The following PALLD variants were observed in gnomAD, a reference collection of about 807,000 sequenced individuals.
PALLD encodes the protein palladin.
Under a neutral mutation model 123.5 loss-of-function variants are expected in PALLD, and 61 were observed. The ratio of observed to expected loss-of-function variants is 0.49; its 90% CI spans 0.40 to 0.61. The LOEUF is 0.61. Ranked by LOEUF, PALLD falls within the 20% of genes least tolerant of loss-of-function variation. The probability of loss-of-function intolerance (pLI) is 0.00; values close to 1 mark genes in which losing one functional copy is unlikely to be tolerated. For missense variants in PALLD, 1,273 were observed against 1,377.0 expected, an observed-to-expected ratio of 0.92 and a Z score of 1.20; for synonymous variants, 465 against 496.4, an observed-to-expected ratio of 0.94 and a Z score of 0.84.
At chr4:168,856,312 T>C (rs895293540) in intron 10 of PALLD, among the ~76,000 whole-genome samples, 2 of 152,226 alleles carry the variant, frequency 1.3e-5, no homozygotes, top group African/African-American at 4.8e-5. Context: ...CAAGTGTACA[T>C]GTACCATGTG....
chr4:168,508,979 G>A (rs1377412272), intron 1 of PALLD, among the ~76,000 whole-genome samples: 3 of 152,064 alleles, frequency 2.0e-5, no homozygotes, highest in Admixed American at 6.6e-5. Flanking sequence ...ACTATAAAAC[G>A]TTTTGCAATA....
intron 2 of PALLD, among the ~76,000 whole-genome samples, chr4:168,634,273 C>T (rs1488301024): frequency 1.3e-5 from 2 of 152,292 alleles, no homozygotes; most frequent in South Asian, 4.1e-4. Flanking sequence ...AAACTTCGAG[C>T]TTTCCTGGCT....
At chr4:168,755,106 G>A (rs1201788003) in intron 10 of PALLD, among the ~76,000 whole-genome samples, 4 of 152,030 alleles carry the variant, frequency 2.6e-5, no homozygotes, top group South Asian at 2.1e-4. Flanking sequence ...GGTGGCGGGC[G>A]CCTGTAGTCT....
At chr4:168,895,304 C>A (rs1178878485) in intron 12 of PALLD, among the ~76,000 whole-genome samples, 1 of 152,182 alleles carries the variant, frequency 6.6e-6, no homozygotes, top group Non-Finnish European at 1.5e-5. Context: ...ATTGCTTGAA[C>A]CCGGGAGGTG....
intron 4 of PALLD, among the ~76,000 whole-genome samples, chr4:168,682,765 T>A (rs1228735291): frequency 6.6e-6 from 1 of 152,204 alleles, no homozygotes; most frequent in African/African-American, 2.4e-5. Flanking sequence ...TTTTGCTTAA[T>A]GTCTATAAGG....
intron 8 of PALLD, among the ~76,000 whole-genome samples, chr4:168,706,173 C>T (rs1409258690): frequency 6.6e-6 from 1 of 152,098 alleles, no homozygotes; most frequent in East Asian, 1.9e-4. Context: ...CTCCTTGCCC[C>T]CAATGCTTGG....
chr4:168,817,196 T>C (rs893095078), intron 10 of PALLD, among the ~76,000 whole-genome samples: 1 of 152,158 alleles, frequency 6.6e-6, no homozygotes, highest in Non-Finnish European at 1.5e-5. Context: ...TCTGAAGAGA[T>C]GTTTAGAAGC....
intron 10 of PALLD, among the ~76,000 whole-genome samples, chr4:168,743,808 A>G (rs1327327319): frequency 2.0e-5 from 3 of 152,234 alleles, no homozygotes; most frequent in Middle Eastern, 3.4e-3. Flanking sequence ...CAGTTTTGCA[A>G]TCTTTTAAAA....
chr4:168,871,306 A>T (rs1049088835), intron 10 of PALLD, among the ~76,000 whole-genome samples: 1 of 152,226 alleles, frequency 6.6e-6, no homozygotes, highest in Non-Finnish European at 1.5e-5. Context: ...TCGTCATTTC[A>T]TTGGAAGACA....
At chr4:168,892,870 AT>A (rs1471737808) in intron 11 of PALLD, among the ~76,000 whole-genome samples, 1 of 152,166 alleles carries the variant, frequency 6.6e-6, no homozygotes, top group African/African-American at 2.4e-5. Flanking sequence ...TTAGCAGTGA[AT>A]AACATTCACA....
chr4:168,518,431 T>C (rs553326554), intron 2 of PALLD, among the ~76,000 whole-genome samples: 1 of 152,162 alleles, frequency 6.6e-6, no homozygotes, highest in Non-Finnish European at 1.5e-5. Context: ...GTAAAATCCA[T>C]AGTTCTTATA....
chr4:168,919,963 C>T (rs1761101053), intron 17 of PALLD, among the ~76,000 whole-genome samples: 1 of 151,932 alleles, frequency 6.6e-6, no homozygotes, highest in Non-Finnish European at 1.5e-5. Context: ...CTGTGAATCA[C>T]GTGGTTTGAG....
At chr4:168,644,679 A>G (rs1403808987) in intron 2 of PALLD, among the ~76,000 whole-genome samples, 1 of 152,190 alleles carries the variant, frequency 6.6e-6, no homozygotes, top group Non-Finnish European at 1.5e-5. Context: ...CTCATCCTGG[A>G]CACCATCATT....
chr4:168,751,021 T>C (rs979187736), intron 10 of PALLD, among the ~76,000 whole-genome samples: 47 of 151,786 alleles, frequency 3.1e-4, no homozygotes, highest in African/African-American at 1.1e-3. Flanking sequence ...TGTGTATTTT[T>C]TTTTTTTTGA....
intron 10 of PALLD, among the ~76,000 whole-genome samples, chr4:168,885,934 C>G (rs1753272857): frequency 6.6e-6 from 1 of 152,228 alleles, no homozygotes. Flanking sequence ...AAAGAACCTA[C>G]AGTTCCCATC....
chr4:168,542,009 CTAACATTTGCGTTATCACTA>C (rs1188077551), intron 2 of PALLD, among the ~76,000 whole-genome samples: 3 of 152,240 alleles, frequency 2.0e-5, no homozygotes, highest in Middle Eastern at 3.4e-3. Context: ...TGGATCTACC[CTAACATTTGCGTTATCACTA>C]TGTGCTCAAA....
At chr4:168,570,532 A>G (rs1424229699) in intron 2 of PALLD, among the ~76,000 whole-genome samples, 2 of 152,194 alleles carry the variant, frequency 1.3e-5, no homozygotes, top group Non-Finnish European at 2.9e-5. Context: ...GTGGACTTAA[A>G]GCTAATGCTA....
chr4:168,762,279 C>G (rs1296594650), intron 10 of PALLD, among the ~76,000 whole-genome samples: 1 of 151,940 alleles, frequency 6.6e-6, no homozygotes, highest in African/African-American at 2.4e-5. Flanking sequence ...TTGAGACCAG[C>G]CTGGCCATCA....
chr4:168,694,194 G>A (rs1398030806), intron 8 of PALLD, among the ~76,000 whole-genome samples: 1 of 152,154 alleles, frequency 6.6e-6, no homozygotes, highest in East Asian at 1.9e-4. Context: ...GTAGGAACCG[G>A]CTTCCCTAAA....
Sources: gnomAD v4.1 joint callset for allele counts (sites outside exome capture counted in the v4.1 genomes callset) on GRCh38, gnomAD v4.1.1 for gene constraint, MANE v1.5 for transcripts, NCBI Gene and HGNC (gene_info 2026-07-23, HGNC 2026-07-21) for gene names.